DIAPH3: variants seen among roughly 807,000 people sequenced by gnomAD.
The protein encoded by DIAPH3 is protein diaphanous homolog 3.
In DIAPH3, 117 loss-of-function variants were observed where a neutral mutation model predicts 144.3. The observed-to-expected ratio is 0.81, with a 90% CI of 0.70 to 0.95. The LOEUF (loss-of-function observed/expected upper bound fraction) is 0.95. Among genes scored for constraint, DIAPH3 ranks in the 40% least tolerant of loss-of-function variants. The pLI is 0.00. For synonymous variants in DIAPH3, 519 were observed against 488.9 expected (o/e 1.06, Z -0.81); for missense variants, 1,421 against 1,412.7 (o/e 1.01, Z -0.09).
At chr13:60,026,397 T>C (rs2054374658) in intron 5 of DIAPH3, among the ~76,000 whole-genome samples, 1 of 152,174 alleles carries the variant, frequency 6.6e-6, no homozygotes, top group Admixed American at 6.5e-5. Context: ...GAAATCGTAG[T>C]ACCAAAAAAA....
At chr13:59,773,497 T>G (rs1772007865) in intron 27 of DIAPH3, among the ~76,000 whole-genome samples, 1 of 152,130 alleles carries the variant, frequency 6.6e-6, no homozygotes. Context: ...AATCAACGAA[T>G]GTGTTTTGAC....
intron 7 of DIAPH3, among the ~76,000 whole-genome samples, chr13:60,014,616 C>T (rs532575181): frequency 1.2e-4 from 19 of 152,120 alleles, no homozygotes; most frequent in African/African-American, 2.9e-4. Context: ...CAATAATTTA[C>T]GTACTAGTAC....
At chr13:59,883,711 C>T (rs1593822797) in intron 20 of DIAPH3, among the ~76,000 whole-genome samples, 1 of 152,248 alleles carries the variant, frequency 6.6e-6, no homozygotes, top group East Asian at 1.9e-4. Context: ...ACTGTCCTTA[C>T]CACTCAGAGC....
At chr13:60,030,860 A>G (rs1439265849) in intron 5 of DIAPH3, among the ~76,000 whole-genome samples, 1 of 152,238 alleles carries the variant, frequency 6.6e-6, no homozygotes, top group African/African-American at 2.4e-5. Flanking sequence ...GTAATGAACA[A>G]GACAGACATA....
At chr13:59,917,782 C>T (rs1369251836) in intron 18 of DIAPH3, among the ~76,000 whole-genome samples, 4 of 144,744 alleles carry the variant, frequency 2.8e-5, no homozygotes, top group South Asian at 2.3e-4. Context: ...CCCAGCTACT[C>T]GGGAGGCTGA....
intron 17 of DIAPH3, among the ~76,000 whole-genome samples, chr13:59,951,938 G>A (rs184464820): frequency 7.9e-5 from 12 of 152,124 alleles, no homozygotes; most frequent in African/African-American, 2.9e-4. Flanking sequence ...ATTGAAAACA[G>A]GTATTCAAAT....
intron 20 of DIAPH3, among the ~76,000 whole-genome samples, chr13:59,884,658 ATT>A (rs1486723738): frequency 1.3e-5 from 2 of 152,054 alleles, no homozygotes; most frequent in African/African-American, 4.8e-5. Flanking sequence ...TAGAGAAAAA[ATT>A]TTTGAGCTTG....
chr13:59,819,336 T>A (rs910414899), intron 24 of DIAPH3, among the ~76,000 whole-genome samples: 1 of 151,924 alleles, frequency 6.6e-6, no homozygotes, highest in African/African-American at 2.4e-5. Context: ...AGGTTTCAAC[T>A]TCATTCTTTC....
At chr13:59,974,570 G>T in intron 14 of DIAPH3, 114 bp from the exon 15 acceptor site, 1 of 951,658 alleles carries the variant, frequency 1.1e-6, no homozygotes, top group Non-Finnish European at 1.6e-6. Context: ...TTCCTGAATT[G>T]GTTTTATGAA....
chr13:59,924,899 G>T (rs758144265), intron 17 of DIAPH3, 29 bp from the exon 18 acceptor site: 2 of 1,586,830 alleles, frequency 1.3e-6, no homozygotes, highest in Admixed American at 1.7e-5. Flanking sequence ...TCCATGTTAG[G>T]GGCAGCAATT....
At chr13:60,126,851 T>G (rs2059004599) in intron 2 of DIAPH3, among the ~76,000 whole-genome samples, 2 of 152,018 alleles carry the variant, frequency 1.3e-5, no homozygotes, top group Non-Finnish European at 1.5e-5. Flanking sequence ...CAATAAAATT[T>G]TGTGGGATGC....
At chr13:59,742,766 G>A (rs1378165267) in intron 27 of DIAPH3, among the ~76,000 whole-genome samples, 1 of 152,038 alleles carries the variant, frequency 6.6e-6, no homozygotes, top group African/African-American at 2.4e-5. Flanking sequence ...TACACAGTAG[G>A]TCCTGTTTTT....
intron 5 of DIAPH3, among the ~76,000 whole-genome samples, chr13:60,027,389 T>C (rs552023286): frequency 3.9e-5 from 6 of 152,336 alleles, no homozygotes; most frequent in African/African-American, 1.2e-4. Context: ...AAAGAAACTG[T>C]ATATTTAAAA....
At chr13:60,097,425 C>G (rs1266762573) in intron 3 of DIAPH3, among the ~76,000 whole-genome samples, 1 of 152,148 alleles carries the variant, frequency 6.6e-6, no homozygotes, top group Non-Finnish European at 1.5e-5. Flanking sequence ...CCCTTGCCTC[C>G]TCTCTCACCA....
At chr13:60,142,912 A>G (rs971607285) in intron 1 of DIAPH3, among the ~76,000 whole-genome samples, 3 of 143,612 alleles carry the variant, frequency 2.1e-5, no homozygotes, top group African/African-American at 7.8e-5. Context: ...CATGCCCCAC[A>G]TTTTTTTTTT....
chr13:59,917,889 C>CAAAAAAAAAAAAAAAA (rs60792156), intron 18 of DIAPH3, among the ~76,000 whole-genome samples: 2 of 18,642 alleles, frequency 1.1e-4, no homozygotes, highest in African/African-American at 3.2e-4. Context: ...GACTCTGTCT[C>CAAAAAAAAAAAAAAAA]AAAAAAAAAA....
intron 4 of DIAPH3, among the ~76,000 whole-genome samples, chr13:60,081,366 G>A (rs1480635698): frequency 6.6e-6 from 1 of 151,970 alleles, no homozygotes; most frequent in East Asian, 1.9e-4. Context: ...AGAGCTAACA[G>A]CTAAAAGTTA....
intron 3 of DIAPH3, among the ~76,000 whole-genome samples, chr13:60,106,526 C>T (rs998435345): frequency 6.6e-6 from 1 of 152,020 alleles, no homozygotes; most frequent in Admixed American, 6.6e-5. Flanking sequence ...ATAAATCTGA[C>T]CACAATTTTA....
chr13:59,956,113 G>A (rs192714914), intron 17 of DIAPH3, among the ~76,000 whole-genome samples: 1 of 152,300 alleles, frequency 6.6e-6, no homozygotes, highest in African/African-American at 2.4e-5. Flanking sequence ...AAAATTTGCA[G>A]CCTGATGATA....
Sources: allele counts gnomAD v4.1 joint callset (sites outside exome capture counted in the v4.1 genomes callset), GRCh38; gene constraint gnomAD v4.1.1; transcripts MANE v1.5; gene names NCBI Gene and HGNC (gene_info 2026-07-23, HGNC 2026-07-21).